RYR3: variants seen among roughly 807,000 people sequenced by gnomAD.
The protein encoded by RYR3 is ryanodine receptor 3, also known as brain ryanodine receptor-calcium release channel.
In RYR3, 207 loss-of-function variants were observed where a neutral mutation model predicts 584.3. That is an observed-to-expected ratio of 0.35 (90% CI 0.32 to 0.40). The LOEUF is 0.40. RYR3 is among the 10% of genes least tolerant of loss of function. RYR3 has a pLI of 1.00. For synonymous variants in RYR3, 2,416 were observed against 2,248.5 expected (o/e 1.07, Z -2.11); for missense variants, 5,616 against 6,089.2 (o/e 0.92, Z 2.59).
At chr15:33,819,622 C>T (rs762494744) in intron 76 of RYR3, 134 bp from the exon 77 acceptor site, 8 of 434,170 alleles carry the variant, frequency 1.8e-5, no homozygotes, top group South Asian at 7.2e-5. Context: ...TGCAGTGAGC[C>T]GAGATCGCGT....
Position 33,335,836 on chromosome 15 carries a change from A to G in RYR3, c.51+24740A>G, listed in dbSNP as rs536324493. 2.0e-5 allele frequency among the ~76,000 whole-genome samples: 3 copies of G among 152,296 alleles called. No homozygotes were observed. In the East Asian group the frequency reaches 5.8e-4, roughly 29 times the overall value. ...ATTTCATTTAATCATCCTTCATAGA[A>G]CAAAACTCTTGCCTTTTAAAGGCTG... On this transcript the variant is annotated intron_variant, in intron 1 of 103. Transcript: ENST00000634891.
intron 36 of RYR3, among the ~76,000 whole-genome samples, 173 bp from the exon 37 acceptor site, chr15:33,669,181 G>A (rs923490886): frequency 6.7e-6 from 1 of 149,514 alleles, no homozygotes; most frequent in Non-Finnish European, 1.5e-5. Context: ...GTTACTTTTA[G>A]AATCAGGAAA....
At position 33,785,661 on chromosome 15, in the gene RYR3, G is replaced by C; in HGVS notation, c.9269-1G>C. ...GTCCCTTTATTCTTCCTCTCAATCAGTTCTGGGGATGCCAGACACGGTAGA... is the reference window on the plus strand; with the variant it reads ...GTCCCTTTATTCTTCCTCTCAATCACTTCTGGGGATGCCAGACACGGTAGA... On this transcript the variant is annotated splice_acceptor_variant, in intron 65 of 103. Transcript: ENST00000634891. LOFTEE classifies it high-confidence loss of function. The C allele has an allele frequency of 6.3e-7, 1 of 1,584,636 alleles. No homozygotes were observed. Among genetic ancestry groups the C allele is most frequent in the Non-Finnish European group, 8.6e-7 (1 of 1,163,760 alleles).
At position 33,838,767 on chromosome 15, in the gene RYR3, G is replaced by A. The variant is rs1244089292; in HGVS notation, c.12787G>A (p.Glu4263Lys). 1 of 1,613,776 alleles carries A rather than the reference G, an allele frequency of 6.2e-7. No individual in the cohort carries two copies. The highest frequency in any genetic ancestry group is 1.3e-5 in the African/African-American group (1 of 74,902). The change falls in exon 89 of 104, where the codon GAA (glutamate) becomes AAA (lysine). Residue 4263 changes from glutamate to lysine, a missense_variant. By Grantham distance (56) the Glu-to-Lys change is moderately conservative. Coordinates refer to ENST00000634891, the MANE Select transcript of RYR3 (RefSeq NM_001036.6). ...AEVMEPGITT[E>K]LVHFIKGEKG... ...GGTGATGGAGCCAGGTATCACCACT[G>A]AACTAGTACACTTCATAAAGGGGGA...
intron 1 of RYR3, among the ~76,000 whole-genome samples, chr15:33,437,504 T>C (rs2045842003): frequency 6.6e-6 from 1 of 152,244 alleles, no homozygotes; most frequent in African/African-American, 2.4e-5. Flanking sequence ...TAAATTTTAT[T>C]GTATAAAACT....
intron 24 of RYR3, among the ~76,000 whole-genome samples, chr15:33,634,161 C>T (rs2061396080): frequency 6.6e-6 from 1 of 152,156 alleles, no homozygotes; most frequent in Non-Finnish European, 1.5e-5. Flanking sequence ...AAGTGATTCT[C>T]CTGCCTCAGC....
chr15:33,470,376 T>TA (rs1202988080), intron 1 of RYR3, among the ~76,000 whole-genome samples: 3 of 151,962 alleles, frequency 2.0e-5, no homozygotes, highest in Non-Finnish European at 2.9e-5. Context: ...TCCAGTGAGA[T>TA]AGAGTTGAAA....
At chr15:33,862,966 A>G (rs1888969579) in intron 102 of RYR3, among the ~76,000 whole-genome samples, 2 of 152,166 alleles carry the variant, frequency 1.3e-5, no homozygotes. Context: ...CTTCCTCATG[A>G]GTATTTATCA....
intron 85 of RYR3, among the ~76,000 whole-genome samples, chr15:33,828,164 GTGCCATGAACTA>G (rs1276585794): frequency 6.6e-6 from 1 of 152,142 alleles, no homozygotes; most frequent in Non-Finnish European, 1.5e-5. Flanking sequence ...TTGTTTTGGG[GTGCCATGAACTA>G]TGCCCTTGTA....
At chr15:33,660,144 C>G (rs763209333) in intron 33 of RYR3, 53 bp from the exon 34 acceptor site, 1 of 1,246,162 alleles carries the variant, frequency 8.0e-7, no homozygotes, top group Non-Finnish European at 1.1e-6. Context: ...TGTCTGGGTG[C>G]GTCATCCAGC....
intron 47 of RYR3, among the ~76,000 whole-genome samples, chr15:33,731,077 G>A (rs554151291): frequency 1.5e-4 from 23 of 152,268 alleles, no homozygotes; most frequent in African/African-American, 5.1e-4. Flanking sequence ...AAAAGAGAGC[G>A]AAAACCAGAA....
chr15:33,770,742 A>T (rs2073502215), intron 62 of RYR3, among the ~76,000 whole-genome samples: 1 of 152,206 alleles, frequency 6.6e-6, no homozygotes, highest in Non-Finnish European at 1.5e-5. Flanking sequence ...CTCAAAAAAA[A>T]AAAGTTAGAA....
At chr15:33,767,619 C>T (rs2152880863) in intron 60 of RYR3, among the ~76,000 whole-genome samples, 1 of 152,214 alleles carries the variant, frequency 6.6e-6, no homozygotes, top group South Asian at 2.1e-4. Flanking sequence ...AGACTTCTGC[C>T]CTGAATGGGG....
At chr15:33,533,694 T>C (rs2055073524) in intron 5 of RYR3, among the ~76,000 whole-genome samples, 2 of 152,194 alleles carry the variant, frequency 1.3e-5, no homozygotes, top group Admixed American at 6.5e-5. Context: ...GAACCAATGA[T>C]ACTAAATGAC....
intron 65 of RYR3, among the ~76,000 whole-genome samples, chr15:33,780,903 T>A (rs996410719): frequency 2.6e-5 from 4 of 152,218 alleles, no homozygotes. Context: ...TGGCAAACTA[T>A]GACCACAGGG....
chr15:33,666,392 T>A (rs1342497104), intron 36 of RYR3, among the ~76,000 whole-genome samples: 1 of 152,168 alleles, frequency 6.6e-6, no homozygotes, highest in Non-Finnish European at 1.5e-5. Context: ...CTGATACTGC[T>A]GGTCTGAGAA....
In RYR3 at chr15:33,728,923, T is replaced by A. The variant is rs1358525269; in HGVS notation, c.7100T>A (p.Leu2367Gln). Residue 2367 changes from leucine to glutamine, a missense_variant, in exon 47 of 104, where the codon CTG (leucine) becomes CAG (glutamine). Transcript: ENST00000634891. ...CCTGACCACAAGGCACCTATGGTGC[T>A]GTTCTTGGACCGCGTTTATGGCATT... is the stretch of plus-strand genomic sequence containing the variant. ...FCPDHKAPMV[L>Q]FLDRVYGIKD... The A allele has an allele frequency of 6.2e-7, 1 of 1,613,722 alleles. No homozygotes were observed. The highest frequency in any genetic ancestry group is 8.5e-7 in the Non-Finnish European group (1 of 1,179,846).
At chr15:33,613,051 A>T (rs2060274274) in intron 18 of RYR3, 132 bp from the exon 19 acceptor site, 1 of 627,664 alleles carries the variant, frequency 1.6e-6, no homozygotes, top group Admixed American at 3.0e-5. Context: ...TGCATTTCAA[A>T]TGCAGTAGTA....
rs893035190 is a variant in RYR3 at position 33,862,956 on chromosome 15, C to G, written c.14466-1182C>G. Among the ~76,000 whole-genome samples the G allele has an allele frequency of 2.6e-5, 4 of 152,208 alleles. No homozygotes were observed. The East Asian group carries it at 7.7e-4, about 29-fold the overall frequency. ...TTTAAAAAGATAACTTTACTGTGCC[C>G]TTCCTCATGAGTATTTATCATCAAT... On this transcript the variant is annotated intron_variant, in intron 102 of 103. Transcript: ENST00000634891.
Sources: gnomAD v4.1 joint callset for allele counts (sites outside exome capture counted in the v4.1 genomes callset) on GRCh38, gnomAD v4.1.1 for gene constraint, MANE v1.5 for transcripts, NCBI Gene and HGNC (gene_info 2026-07-23, HGNC 2026-07-21) for gene names.